The following LRMDA variants were observed in gnomAD, a reference collection of about 807,000 sequenced individuals.
The protein encoded by LRMDA is leucine-rich melanocyte differentiation-associated protein.
A neutral mutation model predicts 29.8 loss-of-function variants in LRMDA; 18 were observed. The ratio of observed to expected loss-of-function variants is 0.60; its 90% CI spans 0.42 to 0.90. The LOEUF is 0.90. Among genes scored for constraint, LRMDA ranks in the 40% least tolerant of loss-of-function variants. The pLI, the probability that LRMDA is intolerant of heterozygous loss-of-function variation, is 0.00. For missense variants in LRMDA, 273 were observed against 273.9 expected, an observed-to-expected ratio of 1.00 and a Z score of 0.02; for synonymous variants, 125 against 109.4, an observed-to-expected ratio of 1.14 and a Z score of -0.89.
rs200006068 is a variant in LRMDA, at chr10:75,497,461, AT to A, written c.131+58979del. ...TGCCTATCATTTTCTAGAGTTCGAT[AT>A]TTTTTTTTTTTGAGAAATGCATGAA... On this transcript the variant is annotated intron_variant, in intron 2 of 6. Coordinates refer to ENST00000611255, the MANE Select transcript of LRMDA (RefSeq NM_001305581.2). Among the ~76,000 whole-genome samples, 727 of 145,316 alleles carry A rather than the reference AT, an allele frequency of 5.0e-3. 1 individual carries two copies. The highest frequency in any genetic ancestry group is 0.011 in the East Asian group (53 of 4,996).
chr10:75,948,978 T>G (rs1846526271), intron 2 of LRMDA, among the ~76,000 whole-genome samples: 1 of 152,000 alleles, frequency 6.6e-6, no homozygotes, highest in African/African-American at 2.4e-5. Flanking sequence ...TGCTTTTCCC[T>G]GCATACACTT....
chr10:75,448,756 T>G (rs998961354), intron 2 of LRMDA, among the ~76,000 whole-genome samples: 3 of 152,198 alleles, frequency 2.0e-5, no homozygotes, highest in Non-Finnish European at 4.4e-5. Flanking sequence ...GTTCTCTTGA[T>G]GAGCTTCATG....
At position 75,581,762 on chromosome 10, in the gene LRMDA, C is replaced by T. The variant is rs569346715; in HGVS notation, c.131+143268C>T. ...GAACACATGGGCACAGGGAGGGGAA[C>T]ATCACACACCAGGGCCTTTTAGGGG... On this transcript the variant is annotated intron_variant, in intron 2 of 6. Coordinates refer to ENST00000611255, the MANE Select transcript of LRMDA (RefSeq NM_001305581.2). 2.5e-4 allele frequency among the ~76,000 whole-genome samples: 38 copies of T among 150,250 alleles called. No individual in the cohort carries two copies. The South Asian group carries it at 8.0e-3, about 32-fold the overall frequency.
At chr10:75,470,708 A>G (rs1234732226) in intron 2 of LRMDA, among the ~76,000 whole-genome samples, 1 of 152,060 alleles carries the variant, frequency 6.6e-6, no homozygotes, top group Non-Finnish European at 1.5e-5. Flanking sequence ...CCCTCCTTGT[A>G]GGTGCCCTCA....
rs116085935 is a variant in LRMDA, at chr10:75,645,989, C to T, written c.131+207495C>T. Among the ~76,000 whole-genome samples the T allele has an allele frequency of 7.5e-3, 1,140 of 151,806 alleles. 15 individuals carry two copies. Among genetic ancestry groups the T allele is most frequent in the African/African-American group, 0.027 (1,097 of 41,358 alleles). On this transcript the variant is annotated intron_variant, in intron 2 of 6. Transcript: ENST00000611255. Reference sequence around the variant, plus strand: ...TCTTTTTTTTCCTGCTCCTTTCCTGCCGTGATATTTTCCTTCCTCTATCTG... The same window carrying T: ...TCTTTTTTTTCCTGCTCCTTTCCTGTCGTGATATTTTCCTTCCTCTATCTG...
intron 2 of LRMDA, among the ~76,000 whole-genome samples, chr10:75,588,942 C>T (rs1455546207): frequency 4.6e-5 from 7 of 152,296 alleles, no homozygotes; most frequent in South Asian, 2.1e-4. Context: ...AGAGCTTCCT[C>T]ATTAAAATTT....
At chr10:76,091,097 T>C (rs1323297125) in intron 5 of LRMDA, among the ~76,000 whole-genome samples, 1 of 152,232 alleles carries the variant, frequency 6.6e-6, no homozygotes, top group Non-Finnish European at 1.5e-5. Context: ...ACTTGCTGTA[T>C]GACTTTGAAC....
chr10:75,477,011 G>A (rs987406278), intron 2 of LRMDA, among the ~76,000 whole-genome samples: 3 of 149,604 alleles, frequency 2.0e-5, no homozygotes, highest in African/African-American at 7.4e-5. Flanking sequence ...TTTTTTTGGA[G>A]GCATGATCTC....
chr10:76,470,938 T>A (rs1050231492), intron 6 of LRMDA, among the ~76,000 whole-genome samples: 2 of 151,978 alleles, frequency 1.3e-5, no homozygotes, highest in African/African-American at 4.8e-5. Context: ...GTTATGCACG[T>A]TAACCACAAT....
At chr10:76,131,993 CTAATT>C (rs1006746922) in intron 5 of LRMDA, among the ~76,000 whole-genome samples, 1 of 151,902 alleles carries the variant, frequency 6.6e-6, no homozygotes, top group Non-Finnish European at 1.5e-5. Context: ...TGTGTAGACT[CTAATT>C]TACCTCCAGT....
At chr10:75,642,627 T>G (rs1841468746) in intron 2 of LRMDA, 1 of 152,270 alleles carries the variant, frequency 6.6e-6, no homozygotes, top group Non-Finnish European at 1.5e-5. Flanking sequence ...CCTCTGCTGA[T>G]TCCCTATGCA....
chr10:75,683,984 C>T (rs1041909280), intron 2 of LRMDA, among the ~76,000 whole-genome samples: 2 of 152,168 alleles, frequency 1.3e-5, no homozygotes, highest in African/African-American at 4.8e-5. Context: ...TGATTCTTAT[C>T]TGGGGTAGAC....
At chr10:75,896,543 G>T (rs981782718) in intron 2 of LRMDA, among the ~76,000 whole-genome samples, 1 of 152,058 alleles carries the variant, frequency 6.6e-6, no homozygotes, top group Admixed American at 6.5e-5. Context: ...TGTTGCCCTT[G>T]CTGAATCCTA....
intron 6 of LRMDA, among the ~76,000 whole-genome samples, chr10:76,445,337 C>T (rs1219332883): frequency 6.6e-6 from 1 of 152,192 alleles, no homozygotes; most frequent in Non-Finnish European, 1.5e-5. Context: ...GCTATCCAAC[C>T]AGCACAGTCC....
At chr10:76,132,352 G>A (rs1251103397) in intron 5 of LRMDA, among the ~76,000 whole-genome samples, 1 of 152,082 alleles carries the variant, frequency 6.6e-6, no homozygotes, top group East Asian at 1.9e-4. Flanking sequence ...CTGGCTATTA[G>A]GATCGAGTCT....
At chr10:76,545,638 TTTATTATTATTA>T (rs143193002) in intron 6 of LRMDA, among the ~76,000 whole-genome samples, 4,086 of 143,754 alleles carry the variant, frequency 0.028, 75 homozygotes, top group Admixed American at 0.04. Flanking sequence ...GGAACAACCT[TTTATTATTATTA>T]TTATTATTAT....
chr10:75,469,095 G>A (rs533831780), intron 2 of LRMDA, among the ~76,000 whole-genome samples: 9 of 152,162 alleles, frequency 5.9e-5, no homozygotes, highest in Non-Finnish European at 1.2e-4. Flanking sequence ...GAAGACAGAC[G>A]TCTTGGGAAA....
chr10:75,908,984 C>A (rs1251680982), intron 2 of LRMDA, among the ~76,000 whole-genome samples: 1 of 152,186 alleles, frequency 6.6e-6, no homozygotes, highest in Non-Finnish European at 1.5e-5. Flanking sequence ...TTATCTATCA[C>A]AGCATCTAGT....
At chr10:76,069,189 C>T (rs1194738032) in intron 5 of LRMDA, among the ~76,000 whole-genome samples, 1 of 152,194 alleles carries the variant, frequency 6.6e-6, no homozygotes, top group Non-Finnish European at 1.5e-5. Flanking sequence ...TATACACACT[C>T]AGATTCCAAA....
Sources: gnomAD v4.1 joint callset for allele counts (sites outside exome capture counted in the v4.1 genomes callset) on GRCh38, gnomAD v4.1.1 for gene constraint, MANE v1.5 for transcripts, NCBI Gene and HGNC (gene_info 2026-07-23, HGNC 2026-07-21) for gene names.